The following TRIM41 variants were observed in gnomAD, a reference collection of about 807,000 sequenced individuals.
The protein encoded by TRIM41 is E3 ubiquitin-protein ligase TRIM41.
Under a neutral mutation model 60.6 loss-of-function variants are expected in TRIM41, and 21 were observed. That is an observed-to-expected ratio of 0.35 (90% confidence interval 0.25 to 0.50). TRIM41 has a LOEUF of 0.50. Among genes scored for constraint, TRIM41 ranks in the 20% least tolerant of loss-of-function variants. The pLI is 0.98. For synonymous variants in TRIM41, 407 were observed against 344.9 expected (o/e 1.18, Z -2.00); for missense variants, 846 against 868.3 (o/e 0.97, Z 0.32).
intron 1 of TRIM41, chr5:181,227,188 G>T (rs1758588451): frequency 6.6e-6 from 1 of 151,538 alleles, no homozygotes; most frequent in African/African-American, 2.4e-5. Context: ...CTCTTTTCTT[G>T]ATCTGTTTAC....
In TRIM41 at chr5:181,235,417, A is replaced by G. The variant is rs1357824116; in HGVS notation, c.*642A>G. 3 of 1,613,968 alleles carry G rather than the reference A, an allele frequency of 1.9e-6. No individual in the cohort carries two copies. The highest frequency in any genetic ancestry group is 2.5e-6 in the Non-Finnish European group (3 of 1,179,936). On this transcript the variant is annotated 3_prime_UTR_variant, in exon 6 of 6. Transcript: ENST00000315073. ...ATGGTCGCCATGATTGAAACCACGC[A>G]CCATTACATCATCATTACATTAATT...
At chr5:181,231,082 G>T (rs890076248) in intron 2 of TRIM41, 2 of 385,300 alleles carry the variant, frequency 5.2e-6, no homozygotes, top group African/African-American at 2.1e-5. Context: ...CTAGGTGCCT[G>T]GCCCAAGGCT....
At chr5:181,231,935 G>A (rs1290912488) in intron 2 of TRIM41, 1 of 152,180 alleles carries the variant, frequency 6.6e-6, no homozygotes, top group African/African-American at 2.4e-5. Context: ...TTCTGTTACA[G>A]GATATTAAGT....
chr5:181,226,708 C>T (rs1209636811), intron 1 of TRIM41: 1 of 152,202 alleles, frequency 6.6e-6, no homozygotes, highest in African/African-American at 2.4e-5. Context: ...ATGGGCATTC[C>T]ACCCTTTCTC....
rs1324283218 is a variant in TRIM41 at position 181,233,991 on chromosome 5, C to T, written c.1292-183C>T. 1.7e-5 allele frequency: 20 copies of T among 1,208,838 alleles called. No homozygotes were observed. The highest frequency in any genetic ancestry group is 2.2e-5 in the Non-Finnish European group (19 of 860,754). 74.9% of individuals were successfully genotyped at this position (1,208,838 alleles called of 1,614,324 possible). A position where few individuals can be genotyped will look rare whatever the true frequency, so the allele number is the denominator to read the frequency against. On this transcript the variant is annotated intron_variant, in intron 5 of 5. Transcript: ENST00000315073. The surrounding 1 kb of genome is among the most constrained non-coding windows in gnomAD (Gnocchi z 4.1). ...CAGGAAGAGCCAGGCTGGGGGAAGACCTGTCAGGTATCCTAGGAACAAGAG... is the reference window on the plus strand; with the variant it reads ...CAGGAAGAGCCAGGCTGGGGGAAGATCTGTCAGGTATCCTAGGAACAAGAG...
chr5:181,233,064 A>G lies in TRIM41; in HGVS notation c.1140+175A>G, dbSNP rs1018995710. On this transcript the variant is annotated intron_variant, in intron 3 of 5. Coordinates refer to ENST00000315073, the MANE Select transcript of TRIM41 (RefSeq NM_033549.5). This position sits in a 1 kb window ranked among gnomAD's most constrained non-coding sequence, Gnocchi z 4.1. The stretch of plus-strand genomic sequence containing the variant: ...AAACAGAGTTAATGTCGAATGTGGT[A>G]TGTGTGGCGATTATACCCAGTGAAA... 1.3e-6 allele frequency: 1 copy of G among 759,590 alleles called. No homozygotes were observed. The highest frequency in any genetic ancestry group is 2.3e-6 in the Non-Finnish European group (1 of 437,552). 47.1% of individuals were successfully genotyped at this position (759,590 alleles called of 1,614,324 possible). A position where few individuals can be genotyped will look rare whatever the true frequency, so the allele number is the denominator to read the frequency against.
Position 181,223,921 on chromosome 5 carries a change from G to T in TRIM41, c.-79G>T. The T allele has an allele frequency of 6.8e-7, 1 of 1,474,188 alleles. No homozygotes were observed. The allele number at this position is 1,474,188 out of a possible 1,614,324, so 91.3% of individuals were successfully genotyped here. The stretch of plus-strand genomic sequence containing the variant: ...GGGGCAGGGCTGGGGGTGGAGCCGG[G>T]TCGCCAGGGCGTCGGTAGGGAAGAC... On this transcript the variant is annotated 5_prime_UTR_variant, in exon 1 of 6. Transcript: ENST00000315073.
chr5:181,224,776 C>T lies in TRIM41; in HGVS notation c.777C>T (p.Ser259=), dbSNP rs764274243. ...AATCCAGGAGCCACAAACAGCACAG[C>T]GTGGTGCCATTGGAGGAGGTGGTGC... ...CRESRSHKQH[S]VVPLEEVVQE... Residue 259 remains serine (S), a synonymous_variant, in exon 1 of 6, where the codon AGC becomes AGT. Transcript: ENST00000315073. 10 of 1,614,020 alleles carry T rather than the reference C, an allele frequency of 6.2e-6. No homozygotes were observed. The highest frequency in any genetic ancestry group is 8.5e-6 in the Non-Finnish European group (10 of 1,180,024).
At chr5:181,225,330 A>C (rs1211587139) in intron 1 of TRIM41, 2 of 167,608 alleles carry the variant, frequency 1.2e-5, no homozygotes. Context: ...TGTCATTCTT[A>C]TGCACTGACT....
chr5:181,235,398 G>T lies in TRIM41; in HGVS notation c.*623G>T, dbSNP rs149691012. 6.2e-7 allele frequency: 1 copy of T among 1,613,984 alleles called. No individual in the cohort carries two copies. ...CACTTGAGAGAGATCTGGAATGGTC[G>T]CCATGATTGAAACCACGCACCATTA... On this transcript the variant is annotated 3_prime_UTR_variant, in exon 6 of 6. Coordinates refer to ENST00000315073, the MANE Select transcript of TRIM41 (RefSeq NM_033549.5).
In TRIM41 at chr5:181,233,955, G is replaced by A; in HGVS notation, c.1291+192G>A. The A allele has an allele frequency of 3.4e-6, 4 of 1,170,338 alleles. No individual in the cohort carries two copies. The highest frequency in any genetic ancestry group is 3.6e-6 in the Non-Finnish European group (3 of 827,358). The allele number at this position is 1,170,338 out of a possible 1,614,324, so 72.5% of individuals were successfully genotyped here. On this transcript the variant is annotated intron_variant, in intron 5 of 5. Coordinates refer to ENST00000315073, the MANE Select transcript of TRIM41 (RefSeq NM_033549.5). The surrounding 1 kb of genome is among the most constrained non-coding windows in gnomAD (Gnocchi z 4.1). ...GCAGGCAGGCCTGGAGGGTGGGGTG[G>A]GGTGGAGTGGCAGGAAGAGCCAGGC...
intron 2 of TRIM41, chr5:181,232,318 T>G (rs1411331593): frequency 6.8e-6 from 2 of 294,358 alleles, no homozygotes; most frequent in Non-Finnish European, 1.3e-5. Context: ...CACAGAGAGA[T>G]ACAGTGATAT....
Position 181,235,135 on chromosome 5 carries a change from T to C in TRIM41, c.*360T>C. The stretch of plus-strand genomic sequence containing the variant: ...TCCTTAACTTCCTTTTCCCCACCCC[T>C]GCTCTTCAACCTCTTTATCAGTTCT... On this transcript the variant is annotated 3_prime_UTR_variant, in exon 6 of 6. Coordinates refer to ENST00000315073, the MANE Select transcript of TRIM41 (RefSeq NM_033549.5). The C allele has an allele frequency of 6.4e-7, 1 of 1,563,912 alleles. No homozygotes were observed. Among genetic ancestry groups the C allele is most frequent in the Non-Finnish European group, 8.7e-7 (1 of 1,155,266 alleles).
rs1177655267 is a variant in TRIM41 at position 181,223,451 on chromosome 5, G to A, written c.-549G>A. Reference sequence around the variant, plus strand: ...GGGGATGGGGGTAGGCGGTTCCTCTGTTCTTTCTGCGTTCCCCGCGGCCTC... The same window carrying A: ...GGGGATGGGGGTAGGCGGTTCCTCTATTCTTTCTGCGTTCCCCGCGGCCTC... On this transcript the variant is annotated 5_prime_UTR_variant, in exon 1 of 6. Coordinates refer to ENST00000315073, the MANE Select transcript of TRIM41 (RefSeq NM_033549.5). The A allele has an allele frequency of 2.5e-6, 1 of 401,448 alleles. No individual in the cohort carries two copies. Among genetic ancestry groups the A allele is most frequent in the East Asian group, 3.6e-5 (1 of 28,144 alleles). 24.9% of individuals were successfully genotyped at this position (401,448 alleles called of 1,614,324 possible).
chr5:181,230,943 C>G lies in TRIM41; in HGVS notation c.909+104C>G, dbSNP rs1029116156. 6.0e-5 allele frequency: 60 copies of G among 996,546 alleles called. No homozygotes were observed. In the African/African-American group the frequency reaches 8.6e-4, roughly 14 times the overall value. 61.7% of individuals were successfully genotyped at this position (996,546 alleles called of 1,614,324 possible). A position where few individuals can be genotyped will look rare whatever the true frequency, so the allele number is the denominator to read the frequency against. On this transcript the variant is annotated intron_variant, in intron 2 of 5. Coordinates refer to ENST00000315073, the MANE Select transcript of TRIM41 (RefSeq NM_033549.5). ...GTGACTTGGTCCCCTGAGGAGGGGA[C>G]AGCTAAGGCCTGGGAGAGGGGTAGA... is the stretch of plus-strand genomic sequence containing the variant.
In TRIM41 at chr5:181,233,920, T is replaced by A; in HGVS notation, c.1291+157T>A. On this transcript the variant is annotated intron_variant, in intron 5 of 5. Coordinates refer to ENST00000315073, the MANE Select transcript of TRIM41 (RefSeq NM_033549.5). This position sits in a 1 kb window ranked among gnomAD's most constrained non-coding sequence, Gnocchi z 4.1. Reference sequence around the variant, plus strand: ...GTTGAGGTTTCAAGCCATGAGCAGGTAGACCTAGTGCAGGCAGGCCTGGAG... The same window carrying A: ...GTTGAGGTTTCAAGCCATGAGCAGGAAGACCTAGTGCAGGCAGGCCTGGAG... 1 of 1,303,724 alleles carries A rather than the reference T, an allele frequency of 7.7e-7. No homozygotes were observed. The highest frequency in any genetic ancestry group is 1.1e-6 in the Non-Finnish European group (1 of 935,320). The allele number at this position is 1,303,724 out of a possible 1,614,324, so 80.8% of individuals were successfully genotyped here. A position where few individuals can be genotyped will look rare whatever the true frequency, so the allele number is the denominator to read the frequency against.
chr5:181,225,292 C>G (rs1758499153), intron 1 of TRIM41: 1 of 189,988 alleles, frequency 5.3e-6, no homozygotes, highest in South Asian at 9.8e-5. Flanking sequence ...TGGCTTGGTT[C>G]TGTCTTCAAG....
chr5:181,228,042 C>G (rs114821762), intron 1 of TRIM41: 1 of 151,330 alleles, frequency 6.6e-6, no homozygotes, highest in Admixed American at 6.6e-5. Flanking sequence ...CCTCAAAGTG[C>G]TGGGATTACT....
At position 181,234,833 on chromosome 5, in the gene TRIM41, G is replaced by A. The variant is rs543295988; in HGVS notation, c.*58G>A. ...GCACTTGGGGGGTGGGTGGTGGAGG[G>A]TGGCCCGTAAGTTTGAGGGCTCAAA... On this transcript the variant is annotated 3_prime_UTR_variant, in exon 6 of 6. Coordinates refer to ENST00000315073, the MANE Select transcript of TRIM41 (RefSeq NM_033549.5). The surrounding 1 kb of genome is among the most constrained non-coding windows in gnomAD (Gnocchi z 5.6). 105 of 1,606,698 alleles carry A rather than the reference G, an allele frequency of 6.5e-5. 1 individual carries two copies. The South Asian group carries it at 9.8e-4, about 15-fold the overall frequency.
Sources: allele counts gnomAD v4.1 joint callset, GRCh38; gene constraint gnomAD v4.1.1; non-coding constraint Gnocchi (gnomAD v3.1); transcripts MANE v1.5; gene names NCBI Gene and HGNC (gene_info 2026-07-23, HGNC 2026-07-21).